The following FYCO1 variants were observed in gnomAD, a reference collection of about 807,000 sequenced individuals.
FYCO1 encodes the protein FYVE and coiled-coil domain-containing protein 1.
A neutral mutation model predicts 165.1 loss-of-function variants in FYCO1; 122 were observed. The observed-to-expected ratio is 0.74, with a 90% CI of 0.64 to 0.86. The LOEUF (loss-of-function observed/expected upper bound fraction) is 0.86. FYCO1 is among the 40% of genes least tolerant of loss of function. FYCO1 has a pLI of 0.00. For missense variants in FYCO1, 1,702 were observed against 1,810.3 expected (o/e 0.94, Z 1.09); for synonymous variants, 648 against 742.5 (o/e 0.87, Z 2.07).
intron 4 of FYCO1, among the ~76,000 whole-genome samples, chr3:45,976,385 G>C (rs1403737619): frequency 6.6e-6 from 1 of 152,214 alleles, no homozygotes; most frequent in Non-Finnish European, 1.5e-5. Flanking sequence ...TGGAATAAAA[G>C]GGACAGCCAC....
At position 45,966,701 on chromosome 3, in the gene FYCO1, G is replaced by C; in HGVS notation, c.2633C>G (p.Ser878Cys). ...TTCCTCGGAGCTGCATTTGGCCTGG[G>C]ACAGCTCCTCCTGCAGGGCCCGCAG... is the stretch of plus-strand genomic sequence containing the variant. The part of the protein sequence containing the change: ...EELRALQEEL[S>C]QAKCSSEEAQ... Residue 878 changes from serine to cysteine, a missense_variant, in exon 8 of 18, where the codon TCC becomes TGC. Ser to Cys is a moderately radical substitution (Grantham distance 112, BLOSUM62 -1). Coordinates refer to ENST00000296137, the MANE Select transcript of FYCO1 (RefSeq NM_024513.4). 1 of 1,613,522 alleles carries C rather than the reference G, an allele frequency of 6.2e-7. No individual in the cohort carries two copies. Among genetic ancestry groups the C allele is most frequent in the Non-Finnish European group, 8.5e-7 (1 of 1,179,966 alleles).
At chr3:45,990,824 T>A (rs999388834) in intron 1 of FYCO1, among the ~76,000 whole-genome samples, 2 of 152,102 alleles carry the variant, frequency 1.3e-5, no homozygotes, top group Non-Finnish European at 2.9e-5. Flanking sequence ...CAGGCTGGAG[T>A]GCAGTGGCGC....
chr3:45,991,675 G>GCCTTACCCACAGACTCCTTCAC (rs71288014), intron 1 of FYCO1, among the ~76,000 whole-genome samples: 13,457 of 152,158 alleles, frequency 0.088, 987 homozygotes, highest in South Asian at 0.34. Context: ...TCCCGAGGAA[G>GCCTTACCCACAGACTCCTTCAC]CCTTACCCAC....
chr3:45,977,398 TATATATATAAAG>T (rs1321187243), intron 4 of FYCO1, among the ~76,000 whole-genome samples: 5 of 63,470 alleles, frequency 7.9e-5, no homozygotes, highest in Admixed American at 2.1e-4. Context: ...TATATATATA[TATATATATAAAG>T]GGAACTATTT....
chr3:45,981,949 T>C (rs528756282), intron 2 of FYCO1, among the ~76,000 whole-genome samples: 7 of 152,346 alleles, frequency 4.6e-5, no homozygotes, highest in African/African-American at 9.6e-5. Context: ...AATTTGCATA[T>C]AGTAGCTGGA....
rs766424372 is a variant in FYCO1 at position 45,967,443 on chromosome 3, G to A, written c.1891C>T (p.Arg631Cys). ...LEKELQNVVG[R>C]NQLLEGKLQA... ...AGCTTGCCCTCCAGGAGCTGGTTACGCCCGACCACATTCTGTAGCTCCTTC... is the reference window on the plus strand; with the variant it reads ...AGCTTGCCCTCCAGGAGCTGGTTACACCCGACCACATTCTGTAGCTCCTTC... The change falls in exon 8 of 18, where the codon CGT becomes TGT. Residue 631 changes from arginine (R) to cysteine (C), a missense_variant. By Grantham distance (180) the Arg-to-Cys change is radical. Coordinates refer to ENST00000296137, the MANE Select transcript of FYCO1 (RefSeq NM_024513.4). The A allele has an allele frequency of 8.7e-6, 14 of 1,613,326 alleles. No homozygotes were observed. Among genetic ancestry groups the A allele is most frequent in the East Asian group, 6.7e-5 (3 of 44,866 alleles).
Position 45,968,669 on chromosome 3 carries a change from C to G in FYCO1, c.665G>C (p.Ser222Thr), listed in dbSNP as rs775905101. The change falls in exon 8 of 18, where the codon AGC (serine) becomes ACC (threonine). Residue 222 changes from serine (S) to threonine (T), a missense_variant. Ser to Thr is a moderately conservative substitution (Grantham distance 58). Coordinates refer to ENST00000296137, the MANE Select transcript of FYCO1 (RefSeq NM_024513.4). ...CTCCAATGCCTCGTTGTTTAGGGGG[C>G]TGTTCAGGTCAAAGTTGGACACCAT... ...QEMVSNFDLN[S>T]PLNNEALEGF... is the part of the protein sequence containing the mutation. 1 of 1,614,188 alleles carries G rather than the reference C, an allele frequency of 6.2e-7. No homozygotes were observed. Among genetic ancestry groups the G allele is most frequent in the Non-Finnish European group, 8.5e-7 (1 of 1,180,040 alleles).
intron 15 of FYCO1, among the ~76,000 whole-genome samples, chr3:45,932,315 A>G (rs1703673325): frequency 6.6e-6 from 1 of 152,154 alleles, no homozygotes; most frequent in African/African-American, 2.4e-5. Context: ...CTCACTTTGA[A>G]CCTCGGTTTC....
intron 6 of FYCO1, among the ~76,000 whole-genome samples, chr3:45,970,282 G>T (rs1477964267): frequency 6.6e-6 from 1 of 152,236 alleles, no homozygotes; most frequent in African/African-American, 2.4e-5. Context: ...ACAAAGGCTT[G>T]TGTGATAACT....
intron 1 of FYCO1, among the ~76,000 whole-genome samples, chr3:45,989,832 C>A (rs2125880392): frequency 6.6e-6 from 1 of 152,262 alleles, no homozygotes; most frequent in Admixed American, 6.5e-5. Context: ...TGAGGTGTTG[C>A]TTTTGGATCT....
chr3:45,974,867 A>G (rs1042224613), intron 5 of FYCO1, among the ~76,000 whole-genome samples: 15 of 152,190 alleles, frequency 9.9e-5, no homozygotes, highest in Non-Finnish European at 2.9e-5. Context: ...CAGTAGTATT[A>G]AAAGCCCCAC....
intron 14 of FYCO1, chr3:45,946,812 A>G: frequency 6.2e-7 from 1 of 1,614,204 alleles, no homozygotes; most frequent in Admixed American, 1.7e-5. Flanking sequence ...CATCTACACT[A>G]TTAACTTCTA....
chr3:45,986,738 G>A (rs1163641395), intron 1 of FYCO1, among the ~76,000 whole-genome samples: 3 of 152,162 alleles, frequency 2.0e-5, no homozygotes, highest in Non-Finnish European at 4.4e-5. Context: ...AGTGCTTTAT[G>A]AGAAGCCTGC....
At chr3:45,968,818 A>C (rs1706264360) in intron 7 of FYCO1, 115 bp from the exon 8 acceptor site, 3 of 1,218,648 alleles carry the variant, frequency 2.5e-6, no homozygotes, top group Non-Finnish European at 3.5e-6. Context: ...ACCTGCCCTA[A>C]GGTTAGTCTA....
chr3:45,937,603 A>C (rs1420583140), intron 14 of FYCO1, among the ~76,000 whole-genome samples: 1 of 152,238 alleles, frequency 6.6e-6, no homozygotes, highest in Non-Finnish European at 1.5e-5. Flanking sequence ...GGACTCAGAG[A>C]TAGCATTGTG....
At position 45,968,180 on chromosome 3, in the gene FYCO1, G is replaced by T. The variant is rs1016800608; in HGVS notation, c.1154C>A (p.Thr385Lys). 3.1e-6 allele frequency: 5 copies of T among 1,613,948 alleles called. No homozygotes were observed. In the Admixed American group the frequency reaches 5.0e-5, roughly 16 times the overall value. Residue 385 changes from threonine to lysine, a missense_variant, in exon 8 of 18, where the codon ACA becomes AAA. By Grantham distance (78) the Thr-to-Lys change is moderately conservative. Transcript: ENST00000296137. ...AQQKADTASD[T>K]KGRQEPIPSD... Reference sequence around the variant, plus strand: ...GGGAATAGGTTCTTGCCGGCCCTTTGTGTCTGATGCCGTATCTGCCTTCTG... The same window carrying T: ...GGGAATAGGTTCTTGCCGGCCCTTTTTGTCTGATGCCGTATCTGCCTTCTG...
At position 45,958,472 on chromosome 3, in the gene FYCO1, G is replaced by A; in HGVS notation, c.3735C>T (p.Ser1245=). The change falls in exon 13 of 18, where the codon AGC becomes AGT. Residue 1245 remains serine, a synonymous_variant. Transcript: ENST00000296137. ...ACAGTGCAGGGCTGGGCTCTCCCTG[G>A]CTAGTGCCTGAGCCACTGCTATCAG... ...GSPDSSGSGT[S]QGEPSPALSP... is the part of the protein sequence containing the mutation. 1.2e-6 allele frequency: 2 copies of A among 1,613,656 alleles called. No homozygotes were observed. The highest frequency in any genetic ancestry group is 1.7e-6 in the Non-Finnish European group (2 of 1,180,030).
intron 4 of FYCO1, among the ~76,000 whole-genome samples, chr3:45,975,875 A>G (rs1706726622): frequency 6.6e-6 from 1 of 152,166 alleles, no homozygotes; most frequent in Admixed American, 6.5e-5. Context: ...GCTTGGCAGA[A>G]ACATGTGCAG....
intron 1 of FYCO1, among the ~76,000 whole-genome samples, chr3:45,989,631 T>C (rs1447622173): frequency 6.6e-6 from 1 of 152,252 alleles, no homozygotes; most frequent in Non-Finnish European, 1.5e-5. Context: ...CAAACACTCC[T>C]TTTTGCTTGT....
Sources: gnomAD v4.1 joint callset for allele counts (sites outside exome capture counted in the v4.1 genomes callset) on GRCh38, gnomAD v4.1.1 for gene constraint, MANE v1.5 for transcripts, NCBI Gene and HGNC (gene_info 2026-07-23, HGNC 2026-07-21) for gene names.